Variants in ADGRA3 observed in about 807,000 individuals in gnomAD.
ADGRA3 encodes the protein adhesion G protein-coupled receptor A3, also known as G-protein coupled receptor 125.
Under a neutral mutation model 119.8 loss-of-function variants are expected in ADGRA3, and 56 were observed. That is an observed-to-expected ratio of 0.47 (90% CI 0.38 to 0.58). ADGRA3 has a LOEUF of 0.58. ADGRA3 is among the 20% of genes least tolerant of loss of function. ADGRA3 has a pLI of 0.00. For synonymous variants in ADGRA3, 607 were observed against 623.8 expected, an observed-to-expected ratio of 0.97 and a Z score of 0.40; for missense variants, 1,516 against 1,649.0, an observed-to-expected ratio of 0.92 and a Z score of 1.40.
At chr4:22,435,288 C>T in intron 10 of ADGRA3, 23 bp downstream of exon 10, 4 of 1,598,780 alleles carry the variant, frequency 2.5e-6, no homozygotes, top group Non-Finnish European at 3.4e-6. Flanking sequence ...CTGTATGCTA[C>T]AAATCTGAAT....
rs1448310207 is a variant in ADGRA3, at chr4:22,438,308, A to G, written c.1033T>C (p.Ser345Pro). Residue 345 changes from serine (S) to proline (P), a missense_variant, in exon 8 of 19, where the codon TCT becomes CCT. Ser to Pro is a moderately conservative substitution (Grantham distance 74, BLOSUM62 -1). Coordinates refer to ENST00000334304, the MANE Select transcript of ADGRA3 (RefSeq NM_145290.4). Reference sequence around the variant, plus strand: ...CTCTCTGGAGGACAGTACTGTGCAGAACTCTCTAATACCACAATATCCACA... The same window carrying G: ...CTCTCTGGAGGACAGTACTGTGCAGGACTCTCTAATACCACAATATCCACA... ...RTVDIVVLESSAQYCPPERVV... is the reference protein window; with the variant it reads ...RTVDIVVLESPAQYCPPERVV... The G allele has an allele frequency of 5.0e-6, 8 of 1,612,406 alleles. No homozygotes were observed. Among genetic ancestry groups the G allele is most frequent in the Non-Finnish European group, 6.8e-6 (8 of 1,179,462 alleles).
chr4:22,464,384 G>C (rs374096058), intron 2 of ADGRA3, among the ~76,000 whole-genome samples: 3 of 152,144 alleles, frequency 2.0e-5, no homozygotes, highest in East Asian at 3.9e-4. Context: ...CATTTAAATG[G>C]TCAGAAAAGG....
At chr4:22,459,913 C>G (rs1717380720) in intron 3 of ADGRA3, among the ~76,000 whole-genome samples, 1 of 152,110 alleles carries the variant, frequency 6.6e-6, no homozygotes, top group African/African-American at 2.4e-5. Flanking sequence ...GTCAAAAGAA[C>G]AGATTAAACA....
intron 10 of ADGRA3, 100 bp downstream of exon 10, chr4:22,435,211 A>T (rs979940872): frequency 1.0e-6 from 1 of 1,003,632 alleles, no homozygotes; most frequent in African/African-American, 1.6e-5. Flanking sequence ...TTTAGCTCAA[A>T]TATGATAAAC....
chr4:22,487,708 CTCCAAAAAGCTCTTT>C (rs1010861391), intron 1 of ADGRA3, among the ~76,000 whole-genome samples: 2 of 152,210 alleles, frequency 1.3e-5, no homozygotes. Context: ...TACATAGCCT[CTCCAAAAAGCTCTTT>C]GGCCAAATGC....
chr4:22,456,983 T>C (rs1028687240), intron 3 of ADGRA3, among the ~76,000 whole-genome samples: 4 of 152,208 alleles, frequency 2.6e-5, no homozygotes, highest in Non-Finnish European at 4.4e-5. Context: ...TAACAAAAAT[T>C]AGGCATCTTC....
chr4:22,393,074 TAG>T (rs1714203312), intron 16 of ADGRA3: 1 of 158,080 alleles, frequency 6.3e-6, no homozygotes, highest in African/African-American at 2.4e-5. Flanking sequence ...TCACCCAGGA[TAG>T]AGTGCTGCAG....
intron 1 of ADGRA3, among the ~76,000 whole-genome samples, chr4:22,513,797 C>A (rs1172750083): frequency 2.7e-5 from 4 of 145,694 alleles, no homozygotes; most frequent in Non-Finnish European, 4.5e-5. Context: ...CAGGTGTGAG[C>A]CCACCATGCC....
chr4:22,392,774 T>G, intron 16 of ADGRA3, 84 bp from the exon 17 acceptor site: 1 of 1,302,132 alleles, frequency 7.7e-7, no homozygotes, highest in Non-Finnish European at 1.1e-6. Flanking sequence ...AACTCAGAAG[T>G]CTGATTTGAA....
At chr4:22,488,403 C>G (rs1718509765) in intron 1 of ADGRA3, among the ~76,000 whole-genome samples, 1 of 151,574 alleles carries the variant, frequency 6.6e-6, no homozygotes, top group Non-Finnish European at 1.5e-5. Context: ...AATCAACAGA[C>G]AAAATCTTAG....
Position 22,450,951 on chromosome 4 carries a change from A to AAAT in ADGRA3, c.474-3441_474-3440insATT, listed in dbSNP as rs1329338329. 9.7e-3 allele frequency among the ~76,000 whole-genome samples: 1,190 copies of AAAT among 122,704 alleles called. 13 individuals are homozygous for AAAT. Among genetic ancestry groups the AAAT allele is most frequent in the East Asian group, 0.023 (95 of 4,064 alleles). 80.5% of individuals were successfully genotyped at this position (122,704 alleles called of 152,430 possible). A position where few individuals can be genotyped will look rare whatever the true frequency, so the allele number is the denominator to read the frequency against. ...GGATATAACAGAAAAAAAAAAAAAAAATATATATATATATATATATACACC... is the reference window on the plus strand; with the variant it reads ...GGATATAACAGAAAAAAAAAAAAAAAAATATATATATATATATATATATACACC... On this transcript the variant is annotated intron_variant, in intron 4 of 18. Coordinates refer to ENST00000334304, the MANE Select transcript of ADGRA3 (RefSeq NM_145290.4).
At chr4:22,396,760 A>T in intron 16 of ADGRA3, among the ~76,000 whole-genome samples, 1 of 72,084 alleles carries the variant, frequency 1.4e-5, no homozygotes, top group Admixed American at 1.4e-4. Flanking sequence ...TGAAACGTCT[A>T]GACTTGCCTT....
rs117985007 is a variant in ADGRA3 at position 22,411,923 on chromosome 4, G to C, written c.2232+1259C>G. ...TTCTGCTTGCTTGACCTGTGTACCA[G>C]GTAAGGTATAAGTTGAATTGAAACA... On this transcript the variant is annotated intron_variant, in intron 14 of 18. Coordinates refer to ENST00000334304, the MANE Select transcript of ADGRA3 (RefSeq NM_145290.4). Among the ~76,000 whole-genome samples, 1,397 of 151,508 alleles carry C rather than the reference G, an allele frequency of 9.2e-3. 45 individuals are homozygous for C. The highest frequency in any genetic ancestry group is 0.059 in the South Asian group (284 of 4,810).
intron 12 of ADGRA3, 73 bp from the exon 13 acceptor site, chr4:22,413,887 A>G (rs1187555511): frequency 3.1e-6 from 3 of 960,606 alleles, no homozygotes; most frequent in Non-Finnish European, 4.5e-6. Context: ...TATGTCAGAT[A>G]GTTACAAAAG....
At chr4:22,491,584 C>T (rs1283722511) in intron 1 of ADGRA3, among the ~76,000 whole-genome samples, 3 of 152,276 alleles carry the variant, frequency 2.0e-5, no homozygotes, top group African/African-American at 7.2e-5. Flanking sequence ...TCAAACCCCT[C>T]TCTTCCAACA....
At chr4:22,476,433 AAAC>A (rs551612394) in intron 1 of ADGRA3, among the ~76,000 whole-genome samples, 47 of 152,308 alleles carry the variant, frequency 3.1e-4, no homozygotes, top group African/African-American at 1.0e-3. Flanking sequence ...TAATACATCC[AAAC>A]AACAAAATTG....
At position 22,435,475 on chromosome 4, in the gene ADGRA3, C is replaced by CA. The variant is rs1716358519; in HGVS notation, c.1288-10dup. The CA allele has an allele frequency of 6.4e-7, 1 of 1,572,334 alleles. No individual in the cohort carries two copies. Among genetic ancestry groups the CA allele is most frequent in the Non-Finnish European group, 8.7e-7 (1 of 1,149,780 alleles). ...GTAAGATTGAGGGGCATCTACATTT[C>CA]AAAGGCAAAAATGATCAACAAAACA... On this transcript the variant is annotated splice_polypyrimidine_tract_variant and intron_variant, in intron 9 of 18. Coordinates refer to ENST00000334304, the MANE Select transcript of ADGRA3 (RefSeq NM_145290.4).
At chr4:22,492,796 C>G (rs977199834) in intron 1 of ADGRA3, among the ~76,000 whole-genome samples, 1 of 152,076 alleles carries the variant, frequency 6.6e-6, no homozygotes. Flanking sequence ...CTAGCCAAAC[C>G]AAGAAAATAA....
At chr4:22,414,327 A>C (rs1001410152) in intron 12 of ADGRA3, 1 of 340,062 alleles carries the variant, frequency 2.9e-6, no homozygotes, top group East Asian at 5.0e-5. Flanking sequence ...CAGTACACTT[A>C]GCAGAAATTT....
Sources: gnomAD v4.1 joint callset for allele counts (sites outside exome capture counted in the v4.1 genomes callset) on GRCh38, gnomAD v4.1.1 for gene constraint, MANE v1.5 for transcripts, NCBI Gene and HGNC (gene_info 2026-07-23, HGNC 2026-07-21) for gene names.